IQGAP1: variants seen among roughly 807,000 people sequenced by gnomAD.
IQGAP1 encodes the protein ras GTPase-activating-like protein IQGAP1.
IQGAP1 carries 66 observed loss-of-function variants against 215.6 expected under a neutral mutation model. The observed-to-expected ratio is 0.31, with a 90% confidence interval of 0.25 to 0.38. IQGAP1 has a LOEUF of 0.38. IQGAP1 is among the 10% of genes least tolerant of loss of function. The pLI is 1.00. For missense variants in IQGAP1, 1,712 were observed against 1,997.1 expected, an observed-to-expected ratio of 0.86 and a Z score of 2.72; for synonymous variants, 772 against 728.7, an observed-to-expected ratio of 1.06 and a Z score of -0.96.
At chr15:90,498,179 C>T (rs140161786) in intron 37 of IQGAP1, among the ~76,000 whole-genome samples, 1 of 152,064 alleles carries the variant, frequency 6.6e-6, no homozygotes, top group African/African-American at 2.4e-5. Context: ...CCTCTGTTTA[C>T]AGTAGGTGTT....
chr15:90,493,622 C>G (rs1050408147), intron 35 of IQGAP1, among the ~76,000 whole-genome samples: 1 of 152,192 alleles, frequency 6.6e-6, no homozygotes, highest in Admixed American at 6.5e-5. Flanking sequence ...CACCTAGATT[C>G]ACCCATTTTT....
In IQGAP1 at chr15:90,465,923, G is replaced by C; in HGVS notation, c.1777-78G>C. ...GTTCTTCCATATTTAATTGAGTCTA[G>C]GAAGCCCCCTTCTTCACATGTATGT... On this transcript the variant is annotated intron_variant, in intron 15 of 37. Coordinates refer to ENST00000268182, the MANE Select transcript of IQGAP1 (RefSeq NM_003870.4). 2.8e-6 allele frequency: 3 copies of C among 1,079,702 alleles called. No homozygotes were observed. In the Admixed American group the frequency reaches 5.1e-5, roughly 18 times the overall value. The allele number at this position is 1,079,702 out of a possible 1,614,324, so 66.9% of individuals were successfully genotyped here. A position where few individuals can be genotyped will look rare whatever the true frequency, so the allele number is the denominator to read the frequency against.
At chr15:90,418,875 C>G (rs1041204584) in intron 2 of IQGAP1, among the ~76,000 whole-genome samples, 1 of 151,648 alleles carries the variant, frequency 6.6e-6, no homozygotes, top group African/African-American at 2.4e-5. Flanking sequence ...CATACTGGTT[C>G]GTGGCTCACG....
In IQGAP1 at chr15:90,474,596, T is replaced by C; in HGVS notation, c.2687T>C (p.Val896Ala). 6.2e-7 allele frequency: 1 copy of C among 1,613,812 alleles called. No homozygotes were observed. Among genetic ancestry groups the C allele is most frequent in the Non-Finnish European group, 8.5e-7 (1 of 1,179,790 alleles). The change falls in exon 23 of 38, where the codon GTT (valine) becomes GCT (alanine). Residue 896 changes from valine to alanine, a missense_variant. Val to Ala is a moderately conservative substitution (Grantham distance 64). This residue lies in a region of IQGAP1 where 691 missense variants were observed against 923.0 expected (regional missense o/e 0.75). Coordinates refer to ENST00000268182, the MANE Select transcript of IQGAP1 (RefSeq NM_003870.4). ...GACCTTATGAAGATGCGGGAAGAGG[T>C]TATCACCCTCATTCGTTCTAACCAG... ...ELDLMKMREEVITLIRSNQQL... is the reference protein window; with the variant it reads ...ELDLMKMREEAITLIRSNQQL...
rs1965997021 is a variant in IQGAP1, at chr15:90,477,531, G to A, written c.3105-134G>A. Reference sequence around the variant, plus strand: ...CATGACCACGATTGAGCGTGCAGCTGCAGGAACATTCTGTGAGTGCTGGGG... The same window carrying A: ...CATGACCACGATTGAGCGTGCAGCTACAGGAACATTCTGTGAGTGCTGGGG... On this transcript the variant is annotated intron_variant, in intron 25 of 37. Coordinates refer to ENST00000268182, the MANE Select transcript of IQGAP1 (RefSeq NM_003870.4). The A allele has an allele frequency of 1.3e-5, 9 of 699,630 alleles. No individual in the cohort carries two copies. In the South Asian group the frequency reaches 1.5e-4, roughly 11 times the overall value. 43.3% of individuals were successfully genotyped at this position (699,630 alleles called of 1,614,324 possible).
At chr15:90,420,442 A>G (rs1965117532) in intron 2 of IQGAP1, among the ~76,000 whole-genome samples, 1 of 152,196 alleles carries the variant, frequency 6.6e-6, no homozygotes, top group African/African-American at 2.4e-5. Context: ...CGGCTTAGCA[A>G]AAACCTTCTG....
intron 5 of IQGAP1, among the ~76,000 whole-genome samples, chr15:90,436,980 C>T (rs1481304920): frequency 2.0e-5 from 3 of 152,110 alleles, no homozygotes; most frequent in East Asian, 3.9e-4. Flanking sequence ...TGTATTAGTC[C>T]GTTCTTGTAC....
At chr15:90,486,239 T>A in intron 31 of IQGAP1, 107 bp downstream of exon 31, 9 of 656,586 alleles carry the variant, frequency 1.4e-5, no homozygotes, top group Non-Finnish European at 2.1e-5. Context: ...TGGATATACA[T>A]TGAGAAATAA....
chr15:90,461,991 A>G (rs1160953470), intron 15 of IQGAP1, among the ~76,000 whole-genome samples: 3 of 10,132 alleles, frequency 3.0e-4, no homozygotes, highest in Non-Finnish European at 4.2e-4. Flanking sequence ...CACAAAAAAA[A>G]AAAAAAAAGA....
intron 15 of IQGAP1, among the ~76,000 whole-genome samples, chr15:90,465,369 C>A (rs1965816132): frequency 6.6e-6 from 1 of 152,156 alleles, no homozygotes. Flanking sequence ...CCCTTGTCAC[C>A]CTGTTAAAGT....
rs2095045833 is a variant in IQGAP1 at position 90,500,153 on chromosome 15, C to T, written c.*45C>T. ...CCAGAAGGATGAAGGAAAGAAGCAC[C>T]TCACAGCTCCTTTCTAGGTCCTTCT... On this transcript the variant is annotated 3_prime_UTR_variant, in exon 38 of 38. Coordinates refer to ENST00000268182, the MANE Select transcript of IQGAP1 (RefSeq NM_003870.4). 3 of 1,065,042 alleles carry T rather than the reference C, an allele frequency of 2.8e-6. No individual in the cohort carries two copies. The highest frequency in any genetic ancestry group is 4.4e-6 in the Non-Finnish European group (3 of 685,118). 66.0% of individuals were successfully genotyped at this position (1,065,042 alleles called of 1,614,324 possible). A position where few individuals can be genotyped will look rare whatever the true frequency, so the allele number is the denominator to read the frequency against.
chr15:90,431,975 A>G (rs568209394), intron 4 of IQGAP1, among the ~76,000 whole-genome samples: 1 of 152,228 alleles, frequency 6.6e-6, no homozygotes, highest in South Asian at 2.1e-4. Flanking sequence ...AATCTGCTCA[A>G]CTAGTCCTGT....
rs1338692579 is a variant in IQGAP1, at chr15:90,466,401, A to T, written c.2000A>T (p.Asp667Val). 1.2e-6 allele frequency: 2 copies of T among 1,614,048 alleles called. No individual in the cohort carries two copies. Among genetic ancestry groups the T allele is most frequent in the Non-Finnish European group, 8.5e-7 (1 of 1,180,024 alleles). Reference sequence around the variant, plus strand: ...GAGTGTGGTGAAACTTACCACAGTGATCTTGCTGAAGCCAAGAAGAAAAAA... The same window carrying T: ...GAGTGTGGTGAAACTTACCACAGTGTTCTTGCTGAAGCCAAGAAGAAAAAA... The part of the protein sequence containing the change: ...IPECGETYHS[D>V]LAEAKKKKLA... The change falls in exon 17 of 38, where the codon GAT (aspartate) becomes GTT (valine). Residue 667 changes from aspartate (D) to valine (V), a missense_variant. Physicochemically the swap from Asp to Val is radical, Grantham distance 152 (BLOSUM62 -3). This residue lies in a region of IQGAP1 where 1,021 missense variants were observed against 1,074.2 expected (regional missense o/e 0.95). Transcript: ENST00000268182.
chr15:90,394,212 G>A (rs1228249517), intron 2 of IQGAP1, among the ~76,000 whole-genome samples: 2 of 148,776 alleles, frequency 1.3e-5, no homozygotes, highest in African/African-American at 2.5e-5. Context: ...TTTTAAGGGA[G>A]GGCATAATAG....
At position 90,491,323 on chromosome 15, in the gene IQGAP1, C is replaced by T. The variant is rs747531170; in HGVS notation, c.4249-10C>T. 1 of 1,610,646 alleles carries T rather than the reference C, an allele frequency of 6.2e-7. No homozygotes were observed. Among genetic ancestry groups the T allele is most frequent in the South Asian group, 1.1e-5 (1 of 90,826 alleles). On this transcript the variant is annotated splice_polypyrimidine_tract_variant and intron_variant, in intron 33 of 37. Coordinates refer to ENST00000268182, the MANE Select transcript of IQGAP1 (RefSeq NM_003870.4). ...TAAACTTGCTAAGAACTTCTTTTTC[C>T]CATCCGTAGGAAGCAGAACATCAGA...
chr15:90,426,742 C>G (rs1268003030), intron 3 of IQGAP1, among the ~76,000 whole-genome samples: 8 of 152,118 alleles, frequency 5.3e-5, no homozygotes, highest in Admixed American at 2.0e-4. Context: ...ATCACAAGGT[C>G]AGGAGTTCGA....
intron 2 of IQGAP1, among the ~76,000 whole-genome samples, chr15:90,408,525 T>A (rs1964911813): frequency 6.6e-6 from 1 of 152,032 alleles, no homozygotes; most frequent in Non-Finnish European, 1.5e-5. Flanking sequence ...TTAGAGGAAG[T>A]TTGGAACGAG....
In IQGAP1 at chr15:90,472,958, G is replaced by T. The variant is rs980602514; in HGVS notation, c.2297G>T (p.Arg766Leu). The change falls in exon 19 of 38, where the codon CGA becomes CTA. Residue 766 changes from arginine to leucine, a missense_variant. Arg to Leu is a moderately radical substitution (Grantham distance 102). Coordinates refer to ENST00000268182, the MANE Select transcript of IQGAP1 (RefSeq NM_003870.4). ...GGATACTTAGTTCGACAGGAATTCC[G>T]ATCCAGGATGAATTTCCTGAAGAAA... ...CRGYLVRQEF[R>L]SRMNFLKKQI... The T allele has an allele frequency of 3.0e-5, 48 of 1,613,840 alleles. No individual in the cohort carries two copies. Among genetic ancestry groups the T allele is most frequent in the Non-Finnish European group, 4.1e-5 (48 of 1,179,978 alleles).
intron 33 of IQGAP1, among the ~76,000 whole-genome samples, chr15:90,490,561 A>G (rs73485154): frequency 3.9e-5 from 6 of 152,218 alleles, no homozygotes; most frequent in Admixed American, 1.3e-4. Flanking sequence ...AGGCTCGAGC[A>G]TGATTCCACC....
Sources: allele counts gnomAD v4.1 joint callset (sites outside exome capture counted in the v4.1 genomes callset), GRCh38; gene constraint gnomAD v4.1.1; regional missense constraint gnomAD v4.1.1; transcripts MANE v1.5; gene names NCBI Gene and HGNC (gene_info 2026-07-23, HGNC 2026-07-21).